The following UBAP1 variants were observed in gnomAD, a reference collection of about 807,000 sequenced individuals.
UBAP1 encodes ubiquitin-associated protein 1.
UBAP1 carries 5 observed loss-of-function variants against 39.0 expected under a neutral mutation model. That is an observed-to-expected ratio of 0.13 (90% CI 0.07 to 0.27). The LOEUF (loss-of-function observed/expected upper bound fraction) is 0.27. Ranked by LOEUF, UBAP1 falls within the 10% of genes least tolerant of loss-of-function variation. The pLI is 1.00. For missense variants in UBAP1, 490 were observed against 608.1 expected, an observed-to-expected ratio of 0.81 and a Z score of 2.04; for synonymous variants, 211 against 225.1, an observed-to-expected ratio of 0.94 and a Z score of 0.56.
chr9:34,237,074 T>G (rs1833739917), intron 3 of UBAP1, among the ~76,000 whole-genome samples: 1 of 152,218 alleles, frequency 6.6e-6, no homozygotes, highest in Admixed American at 6.5e-5. Context: ...AAATGCTATC[T>G]CTTCGAGGGC....
intron 1 of UBAP1, among the ~76,000 whole-genome samples, chr9:34,181,597 T>C (rs1009028027): frequency 2.0e-5 from 3 of 149,120 alleles, no homozygotes; most frequent in Admixed American, 1.3e-4. Flanking sequence ...CACGCCCGGC[T>C]AATTTTTTGT....
intron 1 of UBAP1, among the ~76,000 whole-genome samples, chr9:34,179,918 C>T (rs150892708): frequency 6.6e-6 from 1 of 151,904 alleles, no homozygotes; most frequent in African/African-American, 2.4e-5. Context: ...TCCAGACTAG[C>T]GTCTTAAAAG....
At chr9:34,224,394 G>A (rs1172420853) in intron 2 of UBAP1, 4 of 419,668 alleles carry the variant, frequency 9.5e-6, no homozygotes, top group Non-Finnish European at 1.8e-5. Context: ...AGACAACATC[G>A]ATGATCCTTG....
In UBAP1 at chr9:34,191,083, C is replaced by G. The variant is rs930952608; in HGVS notation, c.-8+11843C>G. On this transcript the variant is annotated intron_variant, in intron 1 of 6. Coordinates refer to ENST00000297661, the MANE Select transcript of UBAP1 (RefSeq NM_016525.5). ...TAATTTGAGACATTCTGTATCTGTC[C>G]TGTCTGATATGTCTCCAACATTGAC... is the stretch of plus-strand genomic sequence containing the variant. 2.0e-5 allele frequency among the ~76,000 whole-genome samples: 3 copies of G among 152,030 alleles called. No homozygotes were observed. In the South Asian group the frequency reaches 6.2e-4, roughly 31 times the overall value.
At position 34,252,454 on chromosome 9, in the gene UBAP1, A is replaced by G. The variant is rs915869256; in HGVS notation, c.*922A>G. On this transcript the variant is annotated 3_prime_UTR_variant, in exon 7 of 7. Transcript: ENST00000297661. ...AAATACAAAGGATATACAGTCTTGAATCTAAAATAATTTGCTAACTAACTA... is the reference window on the plus strand; with the variant it reads ...AAATACAAAGGATATACAGTCTTGAGTCTAAAATAATTTGCTAACTAACTA... The G allele has an allele frequency of 8.7e-5, 9 of 103,772 alleles. No individual in the cohort carries two copies. Among genetic ancestry groups the G allele is most frequent in the Admixed American group, 2.3e-4 (2 of 8,764 alleles). The allele number at this position is 103,772 out of a possible 1,614,324, so 6.4% of individuals were successfully genotyped here.
intron 1 of UBAP1, among the ~76,000 whole-genome samples, chr9:34,213,105 GATC>G (rs1249960542): frequency 3.3e-5 from 5 of 152,246 alleles, no homozygotes; most frequent in Admixed American, 1.3e-4. Flanking sequence ...AAAGTCACAT[GATC>G]ATCTCAATAG....
intron 1 of UBAP1, among the ~76,000 whole-genome samples, chr9:34,182,918 T>C (rs1407350466): frequency 6.6e-6 from 1 of 151,580 alleles, no homozygotes; most frequent in Admixed American, 6.6e-5. Context: ...CACCGTGTTA[T>C]CCAGGATGGT....
chr9:34,217,021 C>G (rs1032186779), intron 1 of UBAP1, among the ~76,000 whole-genome samples: 4 of 152,052 alleles, frequency 2.6e-5, no homozygotes, highest in Non-Finnish European at 4.4e-5. Flanking sequence ...CCTGCCCTTC[C>G]CTTTACTACC....
chr9:34,250,951 G>C (rs757365642), intron 6 of UBAP1, 192 bp downstream of exon 6: 76 of 602,348 alleles, frequency 1.3e-4, no homozygotes, highest in Non-Finnish European at 2.0e-4. Flanking sequence ...TTGAAGCATT[G>C]GGTTGAAAAC....
chr9:34,249,849 T>G lies in UBAP1; in HGVS notation c.1154T>G (p.Leu385Arg), dbSNP rs749245353. ...AGCTGTCCCCAGGCCTATTCTGAAC[T>G]GCAGATGCTGTCCCCCAGCGAGCGG... ...MPSCPQAYSE[L>R]QMLSPSERQC... Residue 385 changes from leucine to arginine, a missense_variant, in exon 5 of 7, where the codon CTG becomes CGG. Coordinates refer to ENST00000297661, the MANE Select transcript of UBAP1 (RefSeq NM_016525.5). The G allele has an allele frequency of 6.2e-7, 1 of 1,614,120 alleles. No individual in the cohort carries two copies. The highest frequency in any genetic ancestry group is 8.5e-7 in the Non-Finnish European group (1 of 1,180,054).
intron 2 of UBAP1, among the ~76,000 whole-genome samples, chr9:34,230,714 C>T (rs1036549756): frequency 2.0e-5 from 3 of 152,182 alleles, no homozygotes; most frequent in East Asian, 1.9e-4. Flanking sequence ...TGATGGCACC[C>T]GGCACTTTTT....
intron 1 of UBAP1, among the ~76,000 whole-genome samples, chr9:34,211,643 C>T (rs1832022881): frequency 6.6e-6 from 1 of 152,088 alleles, no homozygotes. Context: ...AGGGCCTGGT[C>T]CTTCGCAAGG....
chr9:34,186,274 A>C (rs1015927394), intron 1 of UBAP1, among the ~76,000 whole-genome samples: 1 of 152,206 alleles, frequency 6.6e-6, no homozygotes, highest in Non-Finnish European at 1.5e-5. Context: ...AAACTGGATA[A>C]ATGACTGAAA....
intron 4 of UBAP1, among the ~76,000 whole-genome samples, chr9:34,248,003 G>T (rs938366991): frequency 1.3e-5 from 2 of 151,956 alleles, no homozygotes; most frequent in Non-Finnish European, 2.9e-5. Flanking sequence ...CACCAGTAGG[G>T]TATGTGAGAG....
chr9:34,217,783 CTTTTTTTTTTTTTTTT>C lies in UBAP1; in HGVS notation c.-7-3110_-7-3095del, dbSNP rs750494361. ...TTGTCATAAATGACAGGATTTCGTT[CTTTTTTTTTTTTTTTT>C]TTTTTTTTTTTTTTGAGACAGACAG... On this transcript the variant is annotated intron_variant, in intron 1 of 6. Transcript: ENST00000297661. Among the ~76,000 whole-genome samples the C allele has an allele frequency of 3.4e-3, 140 of 41,242 alleles. 2 individuals are homozygous for C. In the East Asian group the frequency reaches 0.06, roughly 18 times the overall value. 27.1% of individuals were successfully genotyped at this position (41,242 alleles called of 152,430 possible). A position where few individuals can be genotyped will look rare whatever the true frequency, so the allele number is the denominator to read the frequency against.
intron 1 of UBAP1, among the ~76,000 whole-genome samples, chr9:34,179,822 C>T (rs1467523948): frequency 6.6e-6 from 1 of 152,030 alleles, no homozygotes; most frequent in Non-Finnish European, 1.5e-5. Flanking sequence ...CCTCAGGAAC[C>T]GCCCCAGTCT....
intron 1 of UBAP1, among the ~76,000 whole-genome samples, chr9:34,196,605 C>T (rs1423857377): frequency 6.6e-6 from 1 of 151,922 alleles, no homozygotes; most frequent in African/African-American, 2.4e-5. Context: ...CCACGGCGCC[C>T]AGCCTAAATA....
chr9:34,237,242 A>G (rs1374389111), intron 3 of UBAP1, among the ~76,000 whole-genome samples: 1 of 152,244 alleles, frequency 6.6e-6, no homozygotes, highest in Admixed American at 6.5e-5. Flanking sequence ...CTGCAGGTAG[A>G]GATAAATGCC....
Position 34,241,906 on chromosome 9 carries a change from G to A in UBAP1, c.881G>A (p.Arg294His), listed in dbSNP as rs758054851. Residue 294 changes from arginine (R) to histidine (H), a missense_variant, in exon 4 of 7, where the codon CGC becomes CAC. Coordinates refer to ENST00000297661, the MANE Select transcript of UBAP1 (RefSeq NM_016525.5). ...ACTTTCCATAGCACATCCTGCCTCC[G>A]CAATGGCACGTTCCAGAATTCCCTA... Reference protein sequence around the residue: ...ASTFHSTSCLRNGTFQNSLKP... With the variant: ...ASTFHSTSCLHNGTFQNSLKP... 6 of 1,614,092 alleles carry A rather than the reference G, an allele frequency of 3.7e-6. No homozygotes were observed. Among genetic ancestry groups the A allele is most frequent in the East Asian group, 2.2e-5 (1 of 44,876 alleles).
Sources: allele counts gnomAD v4.1 joint callset (sites outside exome capture counted in the v4.1 genomes callset), GRCh38; gene constraint gnomAD v4.1.1; transcripts MANE v1.5; gene names NCBI Gene and HGNC (gene_info 2026-07-23, HGNC 2026-07-21).